The following SCFD1 variants were observed in gnomAD, a reference collection of about 807,000 sequenced individuals.
The protein encoded by SCFD1 is sec1 family domain containing 1, also known as sec1 family domain-containing protein 1.
A neutral mutation model predicts 103.2 loss-of-function variants in SCFD1; 37 were observed. That is an observed-to-expected ratio of 0.36 (90% CI 0.28 to 0.47). The LOEUF (loss-of-function observed/expected upper bound fraction) is 0.47. SCFD1 is among the 20% of genes least tolerant of loss of function. The pLI, the probability that SCFD1 is intolerant of heterozygous loss-of-function variation, is 1.00. For missense variants in SCFD1, 639 were observed against 761.2 expected (o/e 0.84, Z 1.89); for synonymous variants, 264 against 245.0 (o/e 1.08, Z -0.73).
intron 10 of SCFD1, among the ~76,000 whole-genome samples, chr14:30,657,029 G>A (rs1005453484): frequency 3.9e-5 from 6 of 152,116 alleles, no homozygotes; most frequent in Admixed American, 1.3e-4. Context: ...GGCCCTTACT[G>A]TTGGGTAGGA....
chr14:30,674,378 C>T (rs1888833092), intron 13 of SCFD1, among the ~76,000 whole-genome samples: 1 of 152,168 alleles, frequency 6.6e-6, no homozygotes, highest in Non-Finnish European at 1.5e-5. Flanking sequence ...CGCGGTAGCT[C>T]ACGCCTGTAA....
At chr14:30,653,467 T>A in intron 9 of SCFD1, 22 bp from the exon 10 acceptor site, 1 of 1,504,958 alleles carries the variant, frequency 6.6e-7, no homozygotes, top group Non-Finnish European at 9.2e-7. Context: ...GTTATGTAAT[T>A]TTTTTATATG....
chr14:30,646,971 T>C (rs1885896058), intron 7 of SCFD1, among the ~76,000 whole-genome samples: 1 of 152,128 alleles, frequency 6.6e-6, no homozygotes, highest in Non-Finnish European at 1.5e-5. Context: ...ACCCTTGTCA[T>C]TTCTCATTGT....
intron 1 of SCFD1, among the ~76,000 whole-genome samples, chr14:30,627,127 G>T (rs1200967427): frequency 6.6e-6 from 1 of 152,052 alleles, no homozygotes; most frequent in Non-Finnish European, 1.5e-5. Context: ...TGAATATTTG[G>T]CCATCTCAGT....
chr14:30,708,095 T>C, intron 19 of SCFD1, 30 bp downstream of exon 19: 4 of 1,435,812 alleles, frequency 2.8e-6, no homozygotes, highest in Middle Eastern at 1.7e-4. Flanking sequence ...AACATACTGG[T>C]AACTTTTAAA....
intron 19 of SCFD1, among the ~76,000 whole-genome samples, chr14:30,709,230 T>A (rs1171117748): frequency 2.0e-5 from 3 of 152,220 alleles, no homozygotes; most frequent in Non-Finnish European, 4.4e-5. Context: ...ACACTTTTCT[T>A]TCTTATAATG....
At chr14:30,653,466 T>A (rs1330081813) in intron 9 of SCFD1, 23 bp from the exon 10 acceptor site, 3 of 1,488,998 alleles carry the variant, frequency 2.0e-6, no homozygotes, top group South Asian at 1.1e-5. Context: ...AGTTATGTAA[T>A]TTTTTTATAT....
At chr14:30,630,671 G>C (rs1032855135) in intron 3 of SCFD1, 106 bp downstream of exon 3, 5 of 681,978 alleles carry the variant, frequency 7.3e-6, no homozygotes. Flanking sequence ...TTTTTTCCCT[G>C]TATCTTCTTT....
chr14:30,678,120 G>A (rs188020350), intron 14 of SCFD1, among the ~76,000 whole-genome samples: 2 of 152,026 alleles, frequency 1.3e-5, no homozygotes, highest in Non-Finnish European at 2.9e-5. Flanking sequence ...TTACAGGCGT[G>A]AGCCACCGCG....
intron 19 of SCFD1, among the ~76,000 whole-genome samples, chr14:30,708,781 A>C (rs1203176997): frequency 6.6e-6 from 1 of 152,158 alleles, no homozygotes; most frequent in Non-Finnish European, 1.5e-5. Context: ...TTTGGGGATA[A>C]TAAAATTGTA....
At chr14:30,627,009 G>A (rs186646534) in intron 1 of SCFD1, among the ~76,000 whole-genome samples, 39 of 152,236 alleles carry the variant, frequency 2.6e-4, no homozygotes, top group Admixed American at 2.0e-3. Context: ...AGGTTATTCT[G>A]TATTACTTAA....
intron 7 of SCFD1, among the ~76,000 whole-genome samples, chr14:30,647,151 T>A (rs943479126): frequency 6.6e-6 from 1 of 152,206 alleles, no homozygotes; most frequent in East Asian, 1.9e-4. Context: ...TGTGCTTTAC[T>A]ATCACTAATG....
At chr14:30,655,568 C>T (rs994306083) in intron 10 of SCFD1, among the ~76,000 whole-genome samples, 7 of 152,084 alleles carry the variant, frequency 4.6e-5, no homozygotes, top group African/African-American at 9.7e-5. Flanking sequence ...AGAGCAAGAT[C>T]GGTTAGGAGG....
intron 9 of SCFD1, among the ~76,000 whole-genome samples, chr14:30,651,488 A>G (rs1388079495): frequency 2.0e-5 from 3 of 151,668 alleles, no homozygotes; most frequent in African/African-American, 2.4e-5. Context: ...AAATGGTTCT[A>G]TGATTTCATT....
chr14:30,673,063 GTAT>G (rs1223278647), intron 11 of SCFD1, among the ~76,000 whole-genome samples, 191 bp from the exon 12 acceptor site: 4 of 152,164 alleles, frequency 2.6e-5, no homozygotes, highest in East Asian at 1.9e-4. Flanking sequence ...TAAAGAAATA[GTAT>G]TATATAGATA....
intron 4 of SCFD1, among the ~76,000 whole-genome samples, 154 bp downstream of exon 4, chr14:30,634,191 G>T (rs1884468886): frequency 1.3e-5 from 2 of 152,018 alleles, no homozygotes; most frequent in Non-Finnish European, 2.9e-5. Flanking sequence ...CAAATAGCCT[G>T]AAAGACTTAA....
chr14:30,705,779 A>AG, intron 17 of SCFD1, 44 bp from the exon 18 acceptor site: 1 of 1,423,720 alleles, frequency 7.0e-7, no homozygotes, highest in Non-Finnish European at 9.9e-7. Flanking sequence ...ACCCAGAGTT[A>AG]GTTCTAATAA....
chr14:30,671,040 A>G (rs1329653526), intron 11 of SCFD1, among the ~76,000 whole-genome samples: 1 of 152,154 alleles, frequency 6.6e-6, no homozygotes, highest in Admixed American at 6.5e-5. Context: ...GAGAAAAAGA[A>G]TACTGTTCAT....
At chr14:30,670,897 T>C (rs1029517330) in intron 11 of SCFD1, among the ~76,000 whole-genome samples, 1 of 152,122 alleles carries the variant, frequency 6.6e-6, no homozygotes, top group Admixed American at 6.6e-5. Context: ...TGGGCAGATA[T>C]ACATATCCCA....
Sources: gnomAD v4.1 joint callset for allele counts (sites outside exome capture counted in the v4.1 genomes callset) on GRCh38, gnomAD v4.1.1 for gene constraint, MANE v1.5 for transcripts, NCBI Gene and HGNC (gene_info 2026-07-23, HGNC 2026-07-21) for gene names.